CD96: variants seen among roughly 807,000 people sequenced by gnomAD.
CD96 encodes T-cell surface protein tactile.
In CD96, 70 loss-of-function variants were observed where a neutral mutation model predicts 71.3. That is an observed-to-expected ratio of 0.98 (90% CI 0.81 to 1.20). The LOEUF is 1.20. CD96 is among the 50% of genes most tolerant of loss of function. The pLI is 0.00. For synonymous variants in CD96, 248 were observed against 233.0 expected, an observed-to-expected ratio of 1.06 and a Z score of -0.59; for missense variants, 742 against 677.5, an observed-to-expected ratio of 1.10 and a Z score of -1.06.
chr3:111,602,523 C>A (rs1441256428), intron 7 of CD96, among the ~76,000 whole-genome samples: 1 of 152,052 alleles, frequency 6.6e-6, no homozygotes, highest in Non-Finnish European at 1.5e-5. Flanking sequence ...TTCAGTTTCT[C>A]AAAATTATAG....
chr3:111,581,207 CA>C (rs1316544937), intron 4 of CD96, among the ~76,000 whole-genome samples: 1 of 152,116 alleles, frequency 6.6e-6, no homozygotes, highest in Admixed American at 6.5e-5. Context: ...CCTGCTTGTT[CA>C]GAAAATTAGA....
chr3:111,604,629 A>G (rs1937573671), intron 7 of CD96, among the ~76,000 whole-genome samples: 1 of 152,210 alleles, frequency 6.6e-6, no homozygotes, highest in African/African-American at 2.4e-5. Context: ...AGCTTACAAA[A>G]TCACTTGGTG....
At chr3:111,660,650 G>T (rs979420875) in intron 14 of CD96, among the ~76,000 whole-genome samples, 4 of 152,164 alleles carry the variant, frequency 2.6e-5, no homozygotes, top group Non-Finnish European at 2.9e-5. Context: ...AAAGCAGCTT[G>T]GTTCTGGTAC....
At chr3:111,598,767 C>T (rs1937366331) in intron 6 of CD96, among the ~76,000 whole-genome samples, 1 of 152,140 alleles carries the variant, frequency 6.6e-6, no homozygotes, top group Non-Finnish European at 1.5e-5. Context: ...GAGGAACACA[C>T]ATCAAGACAA....
chr3:111,639,913 C>T (rs916744114), intron 12 of CD96, among the ~76,000 whole-genome samples: 1 of 152,178 alleles, frequency 6.6e-6, no homozygotes, highest in Admixed American at 6.5e-5. Context: ...CAGGAAGCCA[C>T]ATCCATAGGA....
rs185124081 is a variant in CD96, at chr3:111,645,154, A to G, written c.1478-2389A>G. Among the ~76,000 whole-genome samples the G allele has an allele frequency of 7.3e-5, 11 of 150,292 alleles. No homozygotes were observed. In the East Asian group the frequency reaches 1.2e-3, roughly 16 times the overall value. On this transcript the variant is annotated intron_variant, in intron 12 of 13. Coordinates refer to ENST00000352690, the MANE Select transcript of CD96 (RefSeq NM_005816.5). ...TGAGTGGATAAAGAAACCGTGGTGTATATATATATATATGCACTATGGAAT... is the reference window on the plus strand; with the variant it reads ...TGAGTGGATAAAGAAACCGTGGTGTGTATATATATATATGCACTATGGAAT...
At chr3:111,599,013 A>G (rs1559747434) in intron 6 of CD96, among the ~76,000 whole-genome samples, 1 of 151,978 alleles carries the variant, frequency 6.6e-6, no homozygotes, top group Non-Finnish European at 1.5e-5. Context: ...CTGTTGCCCA[A>G]GCTGGAGTGC....
At chr3:111,599,106 C>T (rs932398364) in intron 6 of CD96, among the ~76,000 whole-genome samples, 1 of 151,438 alleles carries the variant, frequency 6.6e-6, no homozygotes, top group Non-Finnish European at 1.5e-5. Context: ...GTAGCTGGGA[C>T]TACAGGCGCC....
Position 111,545,290 on chromosome 3 carries a change from T to G in CD96, c.306T>G (p.Thr102=). The G allele has an allele frequency of 6.2e-7, 1 of 1,614,078 alleles. No homozygotes were observed. The highest frequency in any genetic ancestry group is 8.5e-7 in the Non-Finnish European group (1 of 1,179,922). Residue 102 remains threonine, a synonymous_variant, in exon 2 of 14, where the codon ACT becomes ACG. Transcript: ENST00000352690. ...TETPENGSKW[T]LHLRNMSCSV... ...CTCCTGAGAATGGGTCAAAATGGAC[T>G]CTGCACTTAAGGAATATGTCTTGTT...
intron 2 of CD96, among the ~76,000 whole-genome samples, chr3:111,547,924 G>A (rs910008280): frequency 3.3e-5 from 5 of 152,164 alleles, no homozygotes; most frequent in African/African-American, 1.2e-4. Context: ...CTACAGAGTA[G>A]GCAGCTGACT....
At chr3:111,578,300 A>G (rs140367812) in intron 3 of CD96, among the ~76,000 whole-genome samples, 1 of 152,342 alleles carries the variant, frequency 6.6e-6, no homozygotes, top group East Asian at 1.9e-4. Context: ...AAGAAAGGAT[A>G]CGGGATAGAA....
At chr3:111,623,036 T>G (rs1345583011) in intron 8 of CD96, among the ~76,000 whole-genome samples, 1 of 152,218 alleles carries the variant, frequency 6.6e-6, no homozygotes, top group Non-Finnish European at 1.5e-5. Context: ...GCTTTTATCT[T>G]CTTGTATTGC....
chr3:111,633,675 A>T (rs953335012), intron 10 of CD96: 2 of 152,468 alleles, frequency 1.3e-5, no homozygotes, highest in African/African-American at 4.8e-5. Context: ...CAAGAGTATG[A>T]GGGCCACATT....
chr3:111,551,888 T>C lies in CD96; in HGVS notation c.418+6486T>C, dbSNP rs150820453. Among the ~76,000 whole-genome samples, 281 of 152,308 alleles carry C rather than the reference T, an allele frequency of 1.8e-3. 1 individual carries two copies. In the Middle Eastern group the frequency reaches 0.024, roughly 13 times the overall value. On this transcript the variant is annotated intron_variant, in intron 2 of 13. Coordinates refer to ENST00000352690, the MANE Select transcript of CD96 (RefSeq NM_005816.5). ...CGAATGGCCACACTGTCTTCCACAA[T>C]GGCTGAACTAATTTACACTCCCACC...
chr3:111,629,011 A>T (rs1938925350), intron 10 of CD96, among the ~76,000 whole-genome samples: 1 of 152,250 alleles, frequency 6.6e-6, no homozygotes, highest in Non-Finnish European at 1.5e-5. Context: ...GTCCTGAAGG[A>T]AGCACTAAAA....
intron 10 of CD96, among the ~76,000 whole-genome samples, chr3:111,628,616 C>G (rs1053173524): frequency 6.6e-6 from 1 of 152,168 alleles, no homozygotes; most frequent in Non-Finnish European, 1.5e-5. Context: ...GAGAACTTCA[C>G]CAACCTAGCA....
intron 10 of CD96, among the ~76,000 whole-genome samples, chr3:111,631,124 T>C (rs1252780076): frequency 6.6e-6 from 1 of 152,124 alleles, no homozygotes; most frequent in Non-Finnish European, 1.5e-5. Context: ...CTATTCAACA[T>C]AGTATTGGAA....
intron 5 of CD96, chr3:111,593,667 G>T (rs568155531): frequency 3.7e-6 from 6 of 1,610,624 alleles, no homozygotes; most frequent in Non-Finnish European, 3.4e-6. Flanking sequence ...TCCAGGGCTC[G>T]CTCCCTTTTT....
In CD96 at chr3:111,593,647, T is replaced by C. The variant is rs199706568; in HGVS notation, c.808-4473T>C. ...TCCACTTCATCTCCAGGATGGCCCT[T>C]TCCACCTCCTCCAGGGCTCGCTCCC... On this transcript the variant is annotated intron_variant, in intron 5 of 13. Coordinates refer to ENST00000352690, the MANE Select transcript of CD96 (RefSeq NM_005816.5). The C allele has an allele frequency of 1.6e-5, 25 of 1,606,426 alleles. No individual in the cohort carries two copies. In the South Asian group the frequency reaches 1.9e-4, roughly 12 times the overall value.
Sources: gnomAD v4.1 joint callset for allele counts (sites outside exome capture counted in the v4.1 genomes callset) on GRCh38, gnomAD v4.1.1 for gene constraint, MANE v1.5 for transcripts, NCBI Gene and HGNC (gene_info 2026-07-23, HGNC 2026-07-21) for gene names.